The following SGCD variants were observed in gnomAD, a reference collection of about 807,000 sequenced individuals.
SGCD encodes the protein sarcoglycan delta.
In SGCD, 18 loss-of-function variants were observed where a neutral mutation model predicts 36.6. The ratio of observed to expected loss-of-function variants is 0.49; its 90% CI spans 0.34 to 0.73. The LOEUF is 0.73. Among genes scored for constraint, SGCD ranks in the 30% least tolerant of loss-of-function variants. The pLI is 0.01. For synonymous variants in SGCD, 133 were observed against 130.6 expected (o/e 1.02, Z -0.12); for missense variants, 387 against 346.7 (o/e 1.12, Z -0.92).
At chr5:156,206,821 A>G (rs1353388628) in intron 3 of SGCD, among the ~76,000 whole-genome samples, 1 of 152,000 alleles carries the variant, frequency 6.6e-6, no homozygotes, top group Non-Finnish European at 1.5e-5. Context: ...AAAAGAAACA[A>G]GTAATTTTTT....
rs886044432 is a variant in SGCD, at chr5:156,647,542, C to T, written c.575+6C>T. Reference sequence around the variant, plus strand: ...GACCCCTTCAAAGAACTAAGGTAAACTTCTGACTTTGGTTTGCATTGATTA... The same window carrying T: ...GACCCCTTCAAAGAACTAAGGTAAATTTCTGACTTTGGTTTGCATTGATTA... On this transcript the variant is annotated splice_donor_region_variant and intron_variant, in intron 7 of 8. Coordinates refer to ENST00000337851, the MANE Select transcript of SGCD (RefSeq NM_000337.6). The T allele has an allele frequency of 9.0e-6, 14 of 1,561,558 alleles. No homozygotes were observed. The highest frequency in any genetic ancestry group is 8.7e-6 in the Non-Finnish European group (10 of 1,148,374).
intron 6 of SGCD, among the ~76,000 whole-genome samples, chr5:156,605,569 T>C (rs1761402951): frequency 6.6e-6 from 1 of 152,204 alleles, no homozygotes; most frequent in Non-Finnish European, 1.5e-5. Flanking sequence ...TACCCAGTAA[T>C]GGGATGGCTG....
At chr5:156,181,966 T>C (rs1365878021) in intron 3 of SGCD, among the ~76,000 whole-genome samples, 1 of 152,214 alleles carries the variant, frequency 6.6e-6, no homozygotes, top group Non-Finnish European at 1.5e-5. Context: ...CTAAATCATA[T>C]GCGAGAGGCT....
intron 7 of SGCD, among the ~76,000 whole-genome samples, chr5:156,756,467 G>A (rs1757338592): frequency 2.6e-5 from 4 of 152,142 alleles, no homozygotes; most frequent in Admixed American, 2.6e-4. Flanking sequence ...TTAAGCACAG[G>A]AATTTGAAAT....
intron 3 of SGCD, among the ~76,000 whole-genome samples, chr5:156,397,516 A>G (rs974462797): frequency 2.0e-5 from 3 of 152,190 alleles, no homozygotes; most frequent in Admixed American, 1.3e-4. Context: ...GCCTGAGGTT[A>G]CACAGCTGAG....
chr5:155,905,745 C>G (rs1202030027), intron 1 of SGCD, among the ~76,000 whole-genome samples: 1 of 152,074 alleles, frequency 6.6e-6, no homozygotes, highest in Non-Finnish European at 1.5e-5. Context: ...GTTAATAAGT[C>G]TCACGAGATC....
intron 1 of SGCD, among the ~76,000 whole-genome samples, chr5:156,080,200 T>A (rs1457038928): frequency 6.6e-6 from 1 of 152,202 alleles, no homozygotes; most frequent in African/African-American, 2.4e-5. Context: ...GCAGCAGGGA[T>A]GCAGACATCA....
the SGCD span, among the ~76,000 whole-genome samples, chr5:155,751,055 A>G: frequency 6.6e-6 from 1 of 152,134 alleles, no homozygotes; most frequent in African/African-American, 2.4e-5. Flanking sequence ...TTTGTTTTAA[A>G]CAAAAAGTGA....
At chr5:156,396,149 A>G (rs1053652430) in intron 3 of SGCD, among the ~76,000 whole-genome samples, 4 of 152,054 alleles carry the variant, frequency 2.6e-5, no homozygotes, top group Non-Finnish European at 4.4e-5. Flanking sequence ...ACTGCAATCC[A>G]TTTTCCCCTG....
the SGCD span, among the ~76,000 whole-genome samples, chr5:155,777,015 T>C: frequency 6.6e-6 from 1 of 152,126 alleles, no homozygotes; most frequent in Non-Finnish European, 1.5e-5. Context: ...TCAATAAATA[T>C]GGCACCTTAG....
At position 156,011,289 on chromosome 5, in the gene SGCD, T is replaced by TA. The variant is rs372381120; in HGVS notation, c.-281-106587dup. On this transcript the variant is annotated intron_variant, in intron 1 of 9. Coordinates refer to the SGCD transcript ENST00000517913. ...TGTCTTTCAGAACTTAGAATTTTTT[T>TA]AATTATAGGAAGGTACTACAGTATG... Among the ~76,000 whole-genome samples, 768 of 152,258 alleles carry TA rather than the reference T, an allele frequency of 5.0e-3. 9 individuals carry two copies. Among genetic ancestry groups the TA allele is most frequent in the African/African-American group, 0.017 (719 of 41,558 alleles).
At chr5:156,680,794 A>C (rs1753689865) in intron 7 of SGCD, among the ~76,000 whole-genome samples, 1 of 152,184 alleles carries the variant, frequency 6.6e-6, no homozygotes, top group African/African-American at 2.4e-5. Flanking sequence ...CAGCAGGGAG[A>C]GGTAACATTA....
intron 7 of SGCD, among the ~76,000 whole-genome samples, chr5:156,656,786 T>A (rs537746256): frequency 6.6e-6 from 1 of 152,296 alleles, no homozygotes; most frequent in South Asian, 2.1e-4. Flanking sequence ...TCTGTTACTG[T>A]TTATTTTTCC....
chr5:155,738,735 A>AGT, the SGCD span, among the ~76,000 whole-genome samples: 2 of 147,144 alleles, frequency 1.4e-5, no homozygotes, highest in Non-Finnish European at 3.0e-5. Flanking sequence ...TGTGTGAGAG[A>AGT]GTGTGTGCAT....
At chr5:156,103,891 A>G (rs952554674) in intron 1 of SGCD, among the ~76,000 whole-genome samples, 2 of 152,112 alleles carry the variant, frequency 1.3e-5, no homozygotes, top group African/African-American at 2.4e-5. Flanking sequence ...GCTTTTCATT[A>G]CATATTAATA....
intron 3 of SGCD, among the ~76,000 whole-genome samples, chr5:156,200,518 A>G: frequency 6.6e-6 from 1 of 152,154 alleles, no homozygotes; most frequent in East Asian, 1.9e-4. Flanking sequence ...ACTCAAAATC[A>G]ATTGAAGACC....
chr5:156,041,566 C>T (rs1443488088), intron 1 of SGCD, among the ~76,000 whole-genome samples: 1 of 152,136 alleles, frequency 6.6e-6, no homozygotes, highest in African/African-American at 2.4e-5. Flanking sequence ...ATTCATTTAT[C>T]ATTCATCCAT....
chr5:155,858,942 G>GTT, the SGCD span, among the ~76,000 whole-genome samples: 300 of 148,408 alleles, frequency 2.0e-3, 2 homozygotes, highest in East Asian at 0.019. Context: ...GGCAATGCAG[G>GTT]TTTTTTTTTT....
At chr5:155,966,836 G>T (rs537046050) in intron 1 of SGCD, among the ~76,000 whole-genome samples, 11 of 151,958 alleles carry the variant, frequency 7.2e-5, no homozygotes, top group African/African-American at 2.7e-4. Flanking sequence ...AATGAACTTC[G>T]TATGGTTCCA....
Sources: gnomAD v4.1 joint callset for allele counts (sites outside exome capture counted in the v4.1 genomes callset) on GRCh38, gnomAD v4.1.1 for gene constraint, MANE v1.5 for transcripts, NCBI Gene and HGNC (gene_info 2026-07-23, HGNC 2026-07-21) for gene names.